Variants in METTL15 observed in about 807,000 individuals in gnomAD.
The protein encoded by METTL15 is methyltransferase 15, mitochondrial 12S rRNA N4-cytidine.
A neutral mutation model predicts 38.3 loss-of-function variants in METTL15; 34 were observed. The ratio of observed to expected loss-of-function variants is 0.89; its 90% CI spans 0.68 to 1.18. The LOEUF (loss-of-function observed/expected upper bound fraction) is 1.18. METTL15 is among the 50% of genes most tolerant of loss of function. METTL15 has a pLI of 0.00. For missense variants in METTL15, 438 were observed against 498.4 expected (o/e 0.88, Z 1.15); for synonymous variants, 162 against 170.9 (o/e 0.95, Z 0.41).
intron 5 of METTL15, among the ~76,000 whole-genome samples, chr11:28,396,655 G>T (rs961841549): frequency 2.6e-5 from 4 of 152,072 alleles, no homozygotes; most frequent in African/African-American, 4.8e-5. Context: ...CATGAAAATG[G>T]CCATACTGCC....
Position 28,330,922 on chromosome 11 carries a change from T to C in METTL15, c.*81T>C, listed in dbSNP as rs908131254. ...CATGTTATGTCCCTGAATGTCTTGG[T>C]ATAGGTTTAAGTGTGGGACAGTCTG... On this transcript the variant is annotated 3_prime_UTR_variant, in exon 7 of 7. Coordinates refer to ENST00000407364, the MANE Select transcript of METTL15 (RefSeq NM_001113528.2). 1.1e-5 allele frequency: 12 copies of C among 1,058,968 alleles called. No homozygotes were observed. The highest frequency in any genetic ancestry group is 2.7e-6 in the Non-Finnish European group (2 of 740,236). The allele number at this position is 1,058,968 out of a possible 1,614,324, so 65.6% of individuals were successfully genotyped here.
Position 28,290,288 on chromosome 11 carries a change from G to A in METTL15, c.490G>A (p.Asp164Asn), listed in dbSNP as rs1394732266. The change falls in exon 5 of 7, where the codon GAT (aspartate) becomes AAT (asparagine). Residue 164 changes from aspartate (D) to asparagine (N), a missense_variant. Physicochemically the swap from Asp to Asn is conservative, Grantham distance 23 (BLOSUM62 1). Coordinates refer to ENST00000407364, the MANE Select transcript of METTL15 (RefSeq NM_001113528.2). ...MKAGVQPGTF[D>N]GVLMDLGCSS... ...AGCTGGAGTGCAGCCAGGAACTTTTGATGGAGTTCTTATGGATCTTGGGTG... is the reference window on the plus strand; with the variant it reads ...AGCTGGAGTGCAGCCAGGAACTTTTAATGGAGTTCTTATGGATCTTGGGTG... 6.2e-7 allele frequency: 1 copy of A among 1,613,376 alleles called. No homozygotes were observed. The highest frequency in any genetic ancestry group is 8.5e-7 in the Non-Finnish European group (1 of 1,179,678).
chr11:28,363,135 T>C (rs551753165), intron 5 of METTL15, among the ~76,000 whole-genome samples: 1 of 152,310 alleles, frequency 6.6e-6, no homozygotes, highest in Admixed American at 6.5e-5. Flanking sequence ...TTATGTGTTG[T>C]TGGCCACTTG....
At chr11:28,381,161 A>C (rs997144381) in intron 5 of METTL15, among the ~76,000 whole-genome samples, 1 of 151,854 alleles carries the variant, frequency 6.6e-6, no homozygotes, top group Non-Finnish European at 1.5e-5. Flanking sequence ...TGCTTGGCTA[A>C]TTTTTATTTT....
chr11:28,428,240 G>A (rs1459773258), intron 6 of METTL15, among the ~76,000 whole-genome samples: 1 of 152,124 alleles, frequency 6.6e-6, no homozygotes, highest in African/African-American at 2.4e-5. Context: ...TATATAGCAG[G>A]TTACTGTACT....
At chr11:28,172,424 C>T (rs929871939) in intron 3 of METTL15, among the ~76,000 whole-genome samples, 9 of 152,108 alleles carry the variant, frequency 5.9e-5, no homozygotes, top group African/African-American at 2.2e-4. Flanking sequence ...AGCTATAGCT[C>T]AGGTTACTAA....
chr11:28,109,876 CAG>C (rs1244308840), intron 1 of METTL15, among the ~76,000 whole-genome samples: 1 of 152,156 alleles, frequency 6.6e-6, no homozygotes, highest in Non-Finnish European at 1.5e-5. Flanking sequence ...TTGGTTAAAG[CAG>C]AGAGATTTTG....
At chr11:28,197,089 A>T (rs1442407753) in intron 3 of METTL15, among the ~76,000 whole-genome samples, 2 of 151,966 alleles carry the variant, frequency 1.3e-5, no homozygotes, top group East Asian at 3.9e-4. Flanking sequence ...TTGGGCTTGA[A>T]TGAAAGTTAA....
At chr11:28,223,605 G>A (rs1853343754) in intron 4 of METTL15, among the ~76,000 whole-genome samples, 1 of 152,096 alleles carries the variant, frequency 6.6e-6, no homozygotes. Flanking sequence ...TATTCTAAAA[G>A]AGGAGTTAAG....
At chr11:28,437,980 G>C (rs1230893460) in intron 6 of METTL15, among the ~76,000 whole-genome samples, 1 of 151,128 alleles carries the variant, frequency 6.6e-6, no homozygotes, top group Non-Finnish European at 1.5e-5. Flanking sequence ...CCTTGTACAT[G>C]GTAGGTGCTC....
chr11:28,123,194 A>G (rs1852326364), intron 3 of METTL15, among the ~76,000 whole-genome samples: 1 of 152,128 alleles, frequency 6.6e-6, no homozygotes, highest in African/African-American at 2.4e-5. Flanking sequence ...CACACGAGTC[A>G]TCCTCAGTAC....
intron 6 of METTL15, among the ~76,000 whole-genome samples, chr11:28,426,365 A>C (rs530947547): frequency 6.6e-6 from 1 of 152,004 alleles, no homozygotes; most frequent in African/African-American, 2.4e-5. Flanking sequence ...GTTTGATTCC[A>C]TATCTTTGCT....
chr11:28,292,320 G>T (rs937836422), intron 5 of METTL15, among the ~76,000 whole-genome samples: 1 of 148,700 alleles, frequency 6.7e-6, no homozygotes, highest in African/African-American at 2.5e-5. Flanking sequence ...TTGGTTTTTT[G>T]TCCTTGCTAT....
In METTL15 at chr11:28,482,702, A is replaced by G. The variant is rs150105501; in HGVS notation, c.*425-43776A>G. On this transcript the variant is annotated intron_variant and NMD_transcript_variant, in intron 6 of 7. Transcript: ENST00000532947. ...TTTGTCTGGCTCAGGGCTACATGCA[A>G]AGTGTGGCTCAGCATCACCTGGGAG... Among the ~76,000 whole-genome samples, 270 of 152,290 alleles carry G rather than the reference A, an allele frequency of 1.8e-3. 1 individual carries two copies. The highest frequency in any genetic ancestry group is 6.1e-3 in the African/African-American group (254 of 41,570).
intron 3 of METTL15, among the ~76,000 whole-genome samples, chr11:28,161,595 T>C (rs529646045): frequency 2.6e-4 from 39 of 152,276 alleles, no homozygotes; most frequent in African/African-American, 8.9e-4. Context: ...AGACAAATTA[T>C]ATCCTGTCAA....
intron 6 of METTL15, among the ~76,000 whole-genome samples, chr11:28,492,613 T>C (rs974227373): frequency 6.6e-6 from 1 of 152,124 alleles, no homozygotes; most frequent in African/African-American, 2.4e-5. Flanking sequence ...TTCGCCTGCA[T>C]GTTGATACCT....
intron 5 of METTL15, among the ~76,000 whole-genome samples, chr11:28,395,310 G>A (rs2133397902): frequency 6.6e-6 from 1 of 152,192 alleles, no homozygotes; most frequent in Middle Eastern, 3.4e-3. Context: ...CAGGCACTGT[G>A]TTAAGGAATA....
At chr11:28,430,214 C>A (rs1228989823) in intron 6 of METTL15, among the ~76,000 whole-genome samples, 1 of 151,120 alleles carries the variant, frequency 6.6e-6, no homozygotes, top group Admixed American at 6.6e-5. Context: ...CCACCCCGTC[C>A]GGGAGGGAGG....
intron 3 of METTL15, chr11:28,163,926 G>A (rs1850562559): frequency 6.6e-6 from 1 of 151,966 alleles, no homozygotes; most frequent in African/African-American, 2.4e-5. Context: ...GAGAGATTCT[G>A]TTTGTTTTTT....
Sources: gnomAD v4.1 joint callset for allele counts (sites outside exome capture counted in the v4.1 genomes callset) on GRCh38, gnomAD v4.1.1 for gene constraint, MANE v1.5 for transcripts, NCBI Gene and HGNC (gene_info 2026-07-23, HGNC 2026-07-21) for gene names.